The following ACADM variants were observed in gnomAD, a reference collection of about 807,000 sequenced individuals.
The protein encoded by ACADM is acyl-CoA dehydrogenase medium chain.
Under a neutral mutation model 58.9 loss-of-function variants are expected in ACADM, and 49 were observed. That is an observed-to-expected ratio of 0.83 (90% CI 0.66 to 1.06). ACADM has a LOEUF of 1.06. Among genes scored for constraint, ACADM ranks in the 50% least tolerant of loss-of-function variants. The pLI, the probability that ACADM is intolerant of heterozygous loss-of-function variation, is 0.00. For missense variants in ACADM, 496 were observed against 507.0 expected (o/e 0.98, Z 0.21); for synonymous variants, 160 against 157.7 (o/e 1.01, Z -0.11).
At position 75,734,548 on chromosome 1, in the gene ACADM, T is replaced by C. The variant is rs188232039; in HGVS notation, c.388-243T>C. The C allele has an allele frequency of 1.4e-3, 657 of 468,136 alleles. 2 individuals carry two copies. The highest frequency in any genetic ancestry group is 1.8e-3 in the Non-Finnish European group (453 of 256,308). 29.0% of individuals were successfully genotyped at this position (468,136 alleles called of 1,614,324 possible). ...AAACATAATTTTTTATTAGTGCATT[T>C]CACTATAGTAGATTTTCACAGATTA... is the stretch of plus-strand genomic sequence containing the variant. On this transcript the variant is annotated intron_variant, in intron 5 of 11. Transcript: ENST00000370841.
chr1:75,752,838 T>C (rs1648280241), intron 10 of ACADM, among the ~76,000 whole-genome samples: 1 of 152,322 alleles, frequency 6.6e-6, no homozygotes, highest in South Asian at 2.1e-4. Flanking sequence ...GTAAACAACT[T>C]ACCTGCAGGA....
At chr1:75,759,683 C>CA (rs1330928400) in intron 10 of ACADM, among the ~76,000 whole-genome samples, 1 of 79,296 alleles carries the variant, frequency 1.3e-5, no homozygotes, top group Non-Finnish European at 2.4e-5. Flanking sequence ...TTTTTTGAGA[C>CA]AGAGTTTTGC....
rs753530746 is a variant in ACADM at position 75,724,753 on chromosome 1, G to A, written c.-35G>A. ...GGAGTATGTCAAGGCCGTGACCCGTGTATTATTGTCCGAGTGGCCGGAACG... is the reference window on the plus strand; with the variant it reads ...GGAGTATGTCAAGGCCGTGACCCGTATATTATTGTCCGAGTGGCCGGAACG... On this transcript the variant is annotated 5_prime_UTR_variant, in exon 1 of 12. Transcript: ENST00000370841. 2 of 1,538,836 alleles carry A rather than the reference G, an allele frequency of 1.3e-6. No individual in the cohort carries two copies. Among genetic ancestry groups the A allele is most frequent in the Non-Finnish European group, 1.8e-6 (2 of 1,142,064 alleles).
rs780284821 is a variant in ACADM at position 75,724,813 on chromosome 1, G to A, written c.26G>A (p.Cys9Tyr). Residue 9 changes from cysteine (C) to tyrosine (Y), a missense_variant, in exon 1 of 12, where the codon TGC (cysteine) becomes TAC (tyrosine). Physicochemically the swap from Cys to Tyr is radical, Grantham distance 194. Transcript: ENST00000370841. MAAGFGRCCRVLRSISRFH... is the reference protein window; with the variant it reads MAAGFGRCYRVLRSISRFH... ...ATGGCAGCGGGGTTCGGGCGATGCT[G>A]CAGGGTGAGAGGGAGCCCAGCGGTG... 6.6e-7 allele frequency: 1 copy of A among 1,512,544 alleles called. No individual in the cohort carries two copies. 93.7% of individuals were successfully genotyped at this position (1,512,544 alleles called of 1,614,324 possible).
intron 8 of ACADM, among the ~76,000 whole-genome samples, chr1:75,747,388 A>C (rs1647960277): frequency 6.6e-6 from 1 of 152,212 alleles, no homozygotes; most frequent in Admixed American, 6.5e-5. Context: ...CCCTGGCCTT[A>C]GGTAAATTAC....
chr1:75,733,276 GTTTTAACAAA>G, intron 4 of ACADM: 2 of 1,375,056 alleles, frequency 1.5e-6, no homozygotes, highest in Non-Finnish European at 2.0e-6. Flanking sequence ...GTTGAATTGA[GTTTTAACAAA>G]ATCAAGTTAG....
At chr1:75,744,848 C>T (rs1647801233) in intron 7 of ACADM, 3 of 444,338 alleles carry the variant, frequency 6.8e-6, no homozygotes. Flanking sequence ...TTCAAGATAG[C>T]ATGCCCCTTA....
At position 75,733,629 on chromosome 1, in the gene ACADM, G is replaced by GT. The variant is rs1553123086; in HGVS notation, c.387+2dup. On this transcript the variant is annotated splice_donor_variant, in intron 5 of 11. Transcript: ENST00000370841. LOFTEE classifies it high-confidence loss of function. ...TGCTATTGAAGGAAATTCTTTGGGG[G>GT]TAAGTGACTTAGAAAATTAACTACC... 1.9e-6 allele frequency: 3 copies of GT among 1,609,022 alleles called. No individual in the cohort carries two copies. Among genetic ancestry groups the GT allele is most frequent in the Non-Finnish European group, 1.7e-6 (2 of 1,175,498 alleles).
chr1:75,752,709 C>T (rs1258373927), intron 10 of ACADM, among the ~76,000 whole-genome samples: 1 of 152,126 alleles, frequency 6.6e-6, no homozygotes, highest in Non-Finnish European at 1.5e-5. Flanking sequence ...AAAAATTCTT[C>T]ATTTATAATC....
rs570459861 is a variant in ACADM, at chr1:75,763,237, T to C, written c.*474T>C. 6.6e-6 allele frequency: 1 copy of C among 152,542 alleles called. No homozygotes were observed. The highest frequency in any genetic ancestry group is 2.1e-4 in the South Asian group (1 of 4,834). 9.4% of individuals were successfully genotyped at this position (152,542 alleles called of 1,614,324 possible). ...AGTTTGGAAAGCATTTGTGAAACTT[T>C]CTGTTTGGCACAGAAACAGTCAAAA... is the stretch of plus-strand genomic sequence containing the variant. On this transcript the variant is annotated 3_prime_UTR_variant, in exon 12 of 12. Coordinates refer to ENST00000370841, the MANE Select transcript of ACADM (RefSeq NM_000016.6).
chr1:75,737,866 A>G (rs1489311491), intron 6 of ACADM, among the ~76,000 whole-genome samples: 13 of 152,094 alleles, frequency 8.5e-5, no homozygotes, highest in Non-Finnish European at 1.9e-4. Flanking sequence ...ATTTCACTGT[A>G]CTTTTCTTTG....
chr1:75,730,634 A>G (rs1647132798), intron 2 of ACADM, among the ~76,000 whole-genome samples: 1 of 151,406 alleles, frequency 6.6e-6, no homozygotes, highest in Non-Finnish European at 1.5e-5. Context: ...CTCTCGCCTC[A>G]GCTTCCTGAG....
intron 6 of ACADM, among the ~76,000 whole-genome samples, chr1:75,739,545 T>C (rs926439899): frequency 6.6e-6 from 1 of 152,232 alleles, no homozygotes; most frequent in African/African-American, 2.4e-5. Flanking sequence ...GGCTCATACC[T>C]GTAGTCCCAG....
intron 6 of ACADM, among the ~76,000 whole-genome samples, chr1:75,739,713 G>A (rs900619073): frequency 2.6e-5 from 4 of 152,076 alleles, no homozygotes; most frequent in African/African-American, 7.2e-5. Flanking sequence ...AGGCTGAGGC[G>A]GGAGGATTTC....
Position 75,750,561 on chromosome 1 carries a change from G to A in ACADM, c.945+15G>A, listed in dbSNP as rs1163580434. 6.5e-7 allele frequency: 1 copy of A among 1,534,642 alleles called. No homozygotes were observed. Among genetic ancestry groups the A allele is most frequent in the South Asian group, 1.1e-5 (1 of 88,484 alleles). On this transcript the variant is annotated intron_variant, in intron 10 of 11. Transcript: ENST00000370841. ...TACTTGTAGAGGTAATTTTAATACT[G>A]CTTGCTTTGTTCAAATGTAAAGACA...
chr1:75,758,798 T>C (rs1244731890), intron 10 of ACADM, among the ~76,000 whole-genome samples: 1 of 146,350 alleles, frequency 6.8e-6, no homozygotes, highest in Non-Finnish European at 1.5e-5. Context: ...GTCAGCACTC[T>C]GTAAAATGGA....
rs750792245 is a variant in ACADM, at chr1:75,734,810, C to T, written c.407C>T (p.Ala136Val). 1.5e-5 allele frequency: 25 copies of T among 1,613,368 alleles called. 1 individual carries two copies. In the South Asian group the frequency reaches 2.7e-4, roughly 18 times the overall value. The change falls in exon 6 of 12, where the codon GCT (alanine) becomes GTT (valine). Residue 136 changes from alanine (A) to valine (V), a missense_variant. Transcript: ENST00000370841. ...CGGTAGCAAATGCCTATTATTATTG[C>T]TGGAAATGATCAACAAAAGAAGAAG... is the stretch of plus-strand genomic sequence containing the variant. Reference protein sequence around the residue: ...NSLGQMPIIIAGNDQQKKKYL... With the variant: ...NSLGQMPIIIVGNDQQKKKYL...
In ACADM at chr1:75,739,978, A is replaced by C. The variant is rs1553123857; in HGVS notation, c.469-2A>C. On this transcript the variant is annotated splice_acceptor_variant, in intron 6 of 11. Transcript: ENST00000370841. LOFTEE classifies it high-confidence loss of function. Reference sequence around the variant, plus strand: ...CATTTCTCTTGTTTTTATATATTCAAGGCTTATTGTGTAACAGAACCTGGA... The same window carrying C: ...CATTTCTCTTGTTTTTATATATTCACGGCTTATTGTGTAACAGAACCTGGA... 1 of 1,606,210 alleles carries C rather than the reference A, an allele frequency of 6.2e-7. No homozygotes were observed. The highest frequency in any genetic ancestry group is 8.5e-7 in the Non-Finnish European group (1 of 1,175,818).
At position 75,732,145 on chromosome 1, in the gene ACADM, G is replaced by C. The variant is rs893647690; in HGVS notation, c.119-499G>C. ...CCAGCCTGAGTGACAAAATGAGACT[G>C]TCTCAAAAAAAAAAAGCAAAATTAT... On this transcript the variant is annotated intron_variant, in intron 2 of 11. Transcript: ENST00000370841. 2.2e-5 allele frequency among the ~76,000 whole-genome samples: 3 copies of C among 137,924 alleles called. No homozygotes were observed. The Admixed American group carries it at 2.2e-4, about 10-fold the overall frequency. The allele number at this position is 137,924 out of a possible 152,430, so 90.5% of individuals were successfully genotyped here.
Sources: allele counts gnomAD v4.1 joint callset (sites outside exome capture counted in the v4.1 genomes callset), GRCh38; gene constraint gnomAD v4.1.1; transcripts MANE v1.5; gene names NCBI Gene and HGNC (gene_info 2026-07-23, HGNC 2026-07-21).